Variants in RAB40C observed in about 807,000 individuals in gnomAD.
The protein encoded by RAB40C is RAB40C, member RAS oncogene family.
In RAB40C, 8 loss-of-function variants were observed where a neutral mutation model predicts 28.1. The observed-to-expected ratio is 0.28, with a 90% CI of 0.17 to 0.51. The LOEUF is 0.51. Ranked by LOEUF, RAB40C falls within the 20% of genes least tolerant of loss-of-function variation. The probability of loss-of-function intolerance (pLI) is 0.97; values close to 1 mark genes in which losing one functional copy is unlikely to be tolerated. For missense variants in RAB40C, 288 were observed against 405.9 expected, an observed-to-expected ratio of 0.71 and a Z score of 2.50; for synonymous variants, 201 against 171.7, an observed-to-expected ratio of 1.17 and a Z score of -1.34.
At chr16:619,709 G>T (rs900946804) in intron 3 of RAB40C, among the ~76,000 whole-genome samples, 2 of 152,332 alleles carry the variant, frequency 1.3e-5, no homozygotes, top group East Asian at 1.9e-4. Flanking sequence ...GATCCTTCTT[G>T]GGGGAAGGTT....
chr16:620,618 GC>G (rs1336566343), intron 3 of RAB40C, among the ~76,000 whole-genome samples: 9 of 133,346 alleles, frequency 6.7e-5, no homozygotes, highest in African/African-American at 1.4e-4. Context: ...GGGCATCCCA[GC>G]CCCCCCCGAC....
chr16:616,172 C>T lies in RAB40C; in HGVS notation c.143-1036C>T, dbSNP rs961985792. ...TCAGCAGGCTGAGGCTAGATAATGG[C>T]GTGAACCCGGGAGACGGAGCTTGCA... is the stretch of plus-strand genomic sequence containing the variant. On this transcript the variant is annotated intron_variant, in intron 1 of 5. Coordinates refer to ENST00000248139, the MANE Select transcript of RAB40C (RefSeq NM_021168.5). 9.3e-5 allele frequency among the ~76,000 whole-genome samples: 14 copies of T among 150,894 alleles called. No homozygotes were observed. The South Asian group carries it at 1.9e-3, about 20-fold the overall frequency.
intron 1 of RAB40C, among the ~76,000 whole-genome samples, chr16:607,323 C>G (rs2036380671): frequency 6.6e-6 from 1 of 151,594 alleles, no homozygotes; most frequent in Non-Finnish European, 1.5e-5. Flanking sequence ...ATGGTGAAAC[C>G]CCATCTCTAC....
chr16:620,271 T>C (rs962817102), intron 3 of RAB40C, among the ~76,000 whole-genome samples: 39 of 152,300 alleles, frequency 2.6e-4, no homozygotes, highest in African/African-American at 9.4e-4. Flanking sequence ...CGGGCGCTTA[T>C]AATCCCAGCT....
At chr16:611,074 C>T (rs900822218) in intron 1 of RAB40C, among the ~76,000 whole-genome samples, 13 of 152,200 alleles carry the variant, frequency 8.5e-5, no homozygotes, top group South Asian at 6.2e-4. Flanking sequence ...CGTGGGCAAC[C>T]GGGTGCGGAG....
intron 5 of RAB40C, among the ~76,000 whole-genome samples, chr16:626,914 G>GA (rs1377316425): frequency 6.6e-6 from 1 of 152,236 alleles, no homozygotes; most frequent in African/African-American, 2.4e-5. Flanking sequence ...CTCCAGCCTG[G>GA]CGACAGAGCG....
At chr16:591,567 G>C (rs1039254721) in intron 1 of RAB40C, among the ~76,000 whole-genome samples, 1 of 151,522 alleles carries the variant, frequency 6.6e-6, no homozygotes, top group Non-Finnish European at 1.5e-5. Context: ...CTGAACATTT[G>C]TTTTGTTTTG....
At chr16:599,394 G>A (rs982927139) in intron 1 of RAB40C, among the ~76,000 whole-genome samples, 12 of 152,224 alleles carry the variant, frequency 7.9e-5, no homozygotes, top group Non-Finnish European at 2.9e-5. Context: ...GAGAGGAGCC[G>A]CCAGGTCAGC....
At position 627,863 on chromosome 16, in the gene RAB40C, C is replaced by T. The variant is rs2036875453; in HGVS notation, c.*241C>T. 2.1e-6 allele frequency: 1 copy of T among 466,622 alleles called. No individual in the cohort carries two copies. The allele number at this position is 466,622 out of a possible 1,614,324, so 28.9% of individuals were successfully genotyped here. On this transcript the variant is annotated 3_prime_UTR_variant, in exon 6 of 6. Coordinates refer to ENST00000248139, the MANE Select transcript of RAB40C (RefSeq NM_021168.5). ...TCCGGGAATCTTGGTCGGAAACAAG[C>T]CGGGCCTCCCCAGCTGCCTGGGCTT...
chr16:626,282 G>C (rs1222536192), intron 5 of RAB40C, among the ~76,000 whole-genome samples, 161 bp downstream of exon 5: 1 of 152,194 alleles, frequency 6.6e-6, no homozygotes, highest in Non-Finnish European at 1.5e-5. Context: ...GACTTGGTAA[G>C]AGCAGCCTCG....
chr16:613,156 C>T (rs1271263346), intron 1 of RAB40C, among the ~76,000 whole-genome samples: 2 of 142,780 alleles, frequency 1.4e-5, no homozygotes, highest in East Asian at 2.1e-4. Context: ...GACAGCCGCC[C>T]TGGCCTGTAG....
In RAB40C at chr16:618,227, C is replaced by T. The variant is rs1176849045; in HGVS notation, c.231C>T (p.Cys77=). 3 of 1,613,618 alleles carry T rather than the reference C, an allele frequency of 1.9e-6. No homozygotes were observed. The highest frequency in any genetic ancestry group is 3.3e-5 in the Admixed American group (2 of 59,940). ...ACACGTCGGGCCAGGGCCGGTTCTG[C>T]ACCATCTTCAGGTCCTACTCCAGGG... ...LWDTSGQGRF[C]TIFRSYSRGA... is the part of the protein sequence containing the mutation. Residue 77 remains cysteine, a synonymous_variant, in exon 3 of 6, where the codon TGC becomes TGT. Coordinates refer to ENST00000248139, the MANE Select transcript of RAB40C (RefSeq NM_021168.5).
chr16:615,226 C>T (rs777533671), intron 1 of RAB40C, among the ~76,000 whole-genome samples: 1 of 152,178 alleles, frequency 6.6e-6, no homozygotes, highest in Non-Finnish European at 1.5e-5. Context: ...TGCATGAGAA[C>T]AGCCTTTGAT....
At chr16:593,816 A>G (rs1414030979) in intron 1 of RAB40C, among the ~76,000 whole-genome samples, 2 of 152,212 alleles carry the variant, frequency 1.3e-5, no homozygotes, top group African/African-American at 4.8e-5. Context: ...TTTGACACCC[A>G]GCAGTGATCT....
At chr16:614,651 G>A (rs1401428597) in intron 1 of RAB40C, among the ~76,000 whole-genome samples, 2 of 149,320 alleles carry the variant, frequency 1.3e-5, no homozygotes. Context: ...GTATCCCGAT[G>A]GTGAACTGCC....
intron 5 of RAB40C, among the ~76,000 whole-genome samples, chr16:627,121 A>G (rs2036855425): frequency 6.6e-6 from 1 of 152,234 alleles, no homozygotes; most frequent in South Asian, 2.1e-4. Flanking sequence ...AGCACCGCCC[A>G]GCGTGCCTGG....
chr16:618,470 G>T (rs1161996196), intron 3 of RAB40C, among the ~76,000 whole-genome samples: 1 of 152,214 alleles, frequency 6.6e-6, no homozygotes, highest in Non-Finnish European at 1.5e-5. Flanking sequence ...GCTCACTGCA[G>T]CCTCCCCCTC....
chr16:604,048 C>G (rs1342333052), intron 1 of RAB40C, among the ~76,000 whole-genome samples: 1 of 148,044 alleles, frequency 6.8e-6, no homozygotes, highest in South Asian at 2.2e-4. Flanking sequence ...ACGAGTTCTT[C>G]TTTTTTCTTT....
At chr16:593,423 G>A (rs1363849189) in intron 1 of RAB40C, among the ~76,000 whole-genome samples, 1 of 152,250 alleles carries the variant, frequency 6.6e-6, no homozygotes, top group African/African-American at 2.4e-5. Flanking sequence ...TTTGTTGGGA[G>A]GTGCCCTCTG....
Sources: gnomAD v4.1 joint callset for allele counts (sites outside exome capture counted in the v4.1 genomes callset) on GRCh38, gnomAD v4.1.1 for gene constraint, MANE v1.5 for transcripts, NCBI Gene and HGNC (gene_info 2026-07-23, HGNC 2026-07-21) for gene names.